The following RORA variants were observed in gnomAD, a reference collection of about 807,000 sequenced individuals.
RORA encodes the protein RAR related orphan receptor A.
RORA carries 7 observed loss-of-function variants against 69.5 expected under a neutral mutation model. The ratio of observed to expected loss-of-function variants is 0.10; its 90% CI spans 0.06 to 0.19. RORA has a LOEUF of 0.19. RORA is among the 10% of genes least tolerant of loss of function. The pLI is 1.00. For synonymous variants in RORA, 261 were observed against 240.8 expected (o/e 1.08, Z -0.78); for missense variants, 457 against 663.0 (o/e 0.69, Z 3.41).
intron 1 of RORA, among the ~76,000 whole-genome samples, chr15:60,890,357 C>T (rs559549972): frequency 6.6e-6 from 1 of 152,336 alleles, no homozygotes; most frequent in East Asian, 1.9e-4. Context: ...CAACTCCCCT[C>T]AGAAGAATGC....
intron 1 of RORA, among the ~76,000 whole-genome samples, chr15:61,097,297 A>G (rs1654888007): frequency 6.6e-6 from 1 of 152,172 alleles, no homozygotes; most frequent in Non-Finnish European, 1.5e-5. Flanking sequence ...CTAAATTGTA[A>G]TAGGCTTTCT....
intron 2 of RORA, among the ~76,000 whole-genome samples, chr15:60,582,728 C>A (rs1395952952): frequency 1.3e-5 from 2 of 152,226 alleles, no homozygotes; most frequent in Non-Finnish European, 2.9e-5. Context: ...TGTAAGAGCA[C>A]AGCCTGGGCT....
chr15:60,516,137 T>TTA (rs1234694148), intron 3 of RORA, among the ~76,000 whole-genome samples: 1 of 64,968 alleles, frequency 1.5e-5, no homozygotes, highest in South Asian at 3.7e-4. Flanking sequence ...TTAAATATAT[T>TTA]TATATATATT....
At chr15:60,639,892 T>C (rs1033405575) in intron 2 of RORA, among the ~76,000 whole-genome samples, 27 of 152,232 alleles carry the variant, frequency 1.8e-4, no homozygotes, top group African/African-American at 6.5e-4. Context: ...TCATAAAGCA[T>C]CAATAATTTG....
intron 1 of RORA, among the ~76,000 whole-genome samples, chr15:61,135,646 T>C (rs1232475706): frequency 1.4e-5 from 2 of 147,346 alleles, no homozygotes; most frequent in African/African-American, 2.5e-5. Context: ...AAGATTCCAG[T>C]ACATCCTTAT....
intron 1 of RORA, among the ~76,000 whole-genome samples, chr15:61,008,436 G>A (rs1383974178): frequency 1.3e-5 from 2 of 151,948 alleles, no homozygotes; most frequent in Non-Finnish European, 2.9e-5. Context: ...TGGGTCTCTC[G>A]AGCAGGTGAT....
rs1487115766 is a variant in RORA, at chr15:60,676,856, C to T, written c.196+1801G>A. Reference sequence around the variant, plus strand: ...CCAAGAAAATTATTCTCAGGGATGACAGTTCCTCGAATGTCTCTCTTTATA... The same window carrying T: ...CCAAGAAAATTATTCTCAGGGATGATAGTTCCTCGAATGTCTCTCTTTATA... On this transcript the variant is annotated intron_variant, in intron 2 of 10. Transcript: ENST00000335670. Among the ~76,000 whole-genome samples the T allele has an allele frequency of 2.0e-5, 3 of 152,234 alleles. No homozygotes were observed. In the East Asian group the frequency reaches 5.8e-4, roughly 29 times the overall value.
At chr15:60,887,715 C>A (rs749480977) in intron 1 of RORA, among the ~76,000 whole-genome samples, 17 of 152,150 alleles carry the variant, frequency 1.1e-4, no homozygotes, top group Non-Finnish European at 2.1e-4. Context: ...ACAGTACTAG[C>A]ATGAAAGGTT....
intron 2 of RORA, among the ~76,000 whole-genome samples, chr15:60,587,738 C>T (rs558405497): frequency 3.9e-4 from 60 of 152,150 alleles, no homozygotes; most frequent in Non-Finnish European, 6.5e-4. Context: ...ATAATCTTGA[C>T]ATTATTTTTT....
intron 1 of RORA, among the ~76,000 whole-genome samples, chr15:60,983,317 A>G (rs897113678): frequency 2.6e-5 from 4 of 152,350 alleles, no homozygotes; most frequent in African/African-American, 9.6e-5. Context: ...GCCTGATGCT[A>G]GTATAGCGTC....
chr15:61,062,556 T>A (rs149629615), intron 1 of RORA, among the ~76,000 whole-genome samples: 168 of 152,230 alleles, frequency 1.1e-3, no homozygotes, highest in African/African-American at 3.7e-3. Flanking sequence ...GGGCGAGTGA[T>A]TCAGGCAGAG....
intron 1 of RORA, among the ~76,000 whole-genome samples, chr15:61,148,175 G>A (rs541926551): frequency 2.4e-4 from 37 of 152,338 alleles, no homozygotes; most frequent in Non-Finnish European, 4.6e-4. Flanking sequence ...AGCCACTGAA[G>A]TTTTGAGGAT....
At chr15:60,996,364 G>A (rs981070920) in intron 1 of RORA, among the ~76,000 whole-genome samples, 1 of 152,076 alleles carries the variant, frequency 6.6e-6, no homozygotes, top group African/African-American at 2.4e-5. Flanking sequence ...GAGCCACCAC[G>A]CCCAGCCCTA....
chr15:61,086,169 T>C (rs936190045), intron 1 of RORA, among the ~76,000 whole-genome samples: 34 of 152,236 alleles, frequency 2.2e-4, no homozygotes, highest in Admixed American at 2.1e-3. Context: ...CAGAAACCTT[T>C]CTGCCATTTG....
At chr15:60,951,667 C>T (rs947293864) in intron 1 of RORA, among the ~76,000 whole-genome samples, 18 of 152,058 alleles carry the variant, frequency 1.2e-4, no homozygotes, top group South Asian at 4.2e-4. Flanking sequence ...AACACCTCTA[C>T]GCAAATAAAC....
At chr15:61,120,489 G>C (rs772101401) in intron 1 of RORA, among the ~76,000 whole-genome samples, 8 of 151,946 alleles carry the variant, frequency 5.3e-5, no homozygotes, top group Non-Finnish European at 1.0e-4. Flanking sequence ...CACAACTTCA[G>C]GAGATCGAGA....
chr15:61,029,235 G>C (rs1896007667), intron 1 of RORA, among the ~76,000 whole-genome samples: 1 of 152,152 alleles, frequency 6.6e-6, no homozygotes. Context: ...GCAAGCCTAG[G>C]GAAATGACAA....
intron 5 of RORA, among the ~76,000 whole-genome samples, chr15:60,508,687 C>T (rs1487922537): frequency 1.3e-5 from 2 of 152,190 alleles, no homozygotes; most frequent in African/African-American, 4.8e-5. Flanking sequence ...AGAGAAACTA[C>T]AGCTCGCAGA....
intron 1 of RORA, among the ~76,000 whole-genome samples, chr15:61,192,234 C>T (rs2079807247): frequency 6.6e-6 from 1 of 152,240 alleles, no homozygotes; most frequent in Non-Finnish European, 1.5e-5. Context: ...ACAGGCTGCT[C>T]TTCGCTATAA....
Sources: gnomAD v4.1 joint callset for allele counts (sites outside exome capture counted in the v4.1 genomes callset) on GRCh38, gnomAD v4.1.1 for gene constraint, MANE v1.5 for transcripts, NCBI Gene and HGNC (gene_info 2026-07-23, HGNC 2026-07-21) for gene names.